The following TCF7L2 variants were observed in gnomAD, a reference collection of about 807,000 sequenced individuals.
The protein encoded by TCF7L2 is transcription factor 7-like 2.
In TCF7L2, 23 loss-of-function variants were observed where a neutral mutation model predicts 77.9. That is an observed-to-expected ratio of 0.30 (90% CI 0.21 to 0.42). TCF7L2 has a LOEUF of 0.42. Ranked by LOEUF, TCF7L2 falls within the 10% of genes least tolerant of loss-of-function variation. The pLI is 1.00. For missense variants in TCF7L2, 654 were observed against 793.1 expected, an observed-to-expected ratio of 0.82 and a Z score of 2.11; for synonymous variants, 413 against 340.2, an observed-to-expected ratio of 1.21 and a Z score of -2.36.
chr10:113,105,612 C>T (rs554559951), intron 5 of TCF7L2, among the ~76,000 whole-genome samples: 1 of 152,262 alleles, frequency 6.6e-6, no homozygotes, highest in South Asian at 2.1e-4. Context: ...GGGAGGTGCC[C>T]CGCACCTCAC....
In TCF7L2 at chr10:112,955,654, A is replaced by G. The variant is rs146740341; in HGVS notation, c.381+4047A>G. On this transcript the variant is annotated intron_variant, in intron 3 of 13. Coordinates refer to ENST00000627217, the MANE Select transcript of TCF7L2 (RefSeq NM_001146274.2). ...GAGGAAAACAATCCTCGTTCTTGCT[A>G]GGAGTTCTTCACCTTGATTTTAATT... Among the ~76,000 whole-genome samples, 196 of 152,254 alleles carry G rather than the reference A, an allele frequency of 1.3e-3. 2 individuals are homozygous for G. Among genetic ancestry groups the G allele is most frequent in the African/African-American group, 4.3e-3 (179 of 41,546 alleles).
In TCF7L2 at chr10:112,964,763, G is replaced by A. The variant is rs577226242; in HGVS notation, c.450+139G>A. On this transcript the variant is annotated intron_variant, in intron 4 of 13. Transcript: ENST00000627217. ...GATGGTGGTGGTGGTGGTGGTGATG[G>A]TGGTGGTGGTGGTGATGGTGGTGGT... 1.5e-4 allele frequency: 94 copies of A among 642,240 alleles called. No individual in the cohort carries two copies. In the African/African-American group the frequency reaches 1.7e-3, roughly 11 times the overall value. 39.8% of individuals were successfully genotyped at this position (642,240 alleles called of 1,614,324 possible).
chr10:112,970,481 G>C (rs1438293838), intron 4 of TCF7L2, among the ~76,000 whole-genome samples: 4 of 151,770 alleles, frequency 2.6e-5, no homozygotes, highest in Admixed American at 6.6e-5. Flanking sequence ...CTTACCCCAT[G>C]TTGGCCACTT....
chr10:113,086,662 T>A (rs764032992), intron 5 of TCF7L2, among the ~76,000 whole-genome samples: 2 of 152,086 alleles, frequency 1.3e-5, no homozygotes, highest in Non-Finnish European at 2.9e-5. Flanking sequence ...AAATCATGAA[T>A]GGACACTGAG....
intron 5 of TCF7L2, among the ~76,000 whole-genome samples, chr10:113,104,398 T>C (rs1309868237): frequency 1.3e-5 from 2 of 152,200 alleles, no homozygotes; most frequent in Non-Finnish European, 2.9e-5. Flanking sequence ...CAAGATCCCT[T>C]GTGGAGCAGT....
intron 5 of TCF7L2, among the ~76,000 whole-genome samples, chr10:113,063,683 C>T (rs534833850): frequency 6.6e-6 from 1 of 152,220 alleles, no homozygotes; most frequent in Non-Finnish European, 1.5e-5. Flanking sequence ...CTGTTGAAAC[C>T]CCCACACCCG....
intron 5 of TCF7L2, among the ~76,000 whole-genome samples, chr10:113,084,906 C>T (rs1433589227): frequency 1.3e-5 from 2 of 150,094 alleles, no homozygotes; most frequent in African/African-American, 5.0e-5. Flanking sequence ...AAGCCACCCC[C>T]CCCCAAAAAA....
chr10:113,085,242 T>TTA (rs1430391403), intron 5 of TCF7L2, among the ~76,000 whole-genome samples: 12 of 145,064 alleles, frequency 8.3e-5, no homozygotes, highest in African/African-American at 3.0e-4. Context: ...TTTTTTTTTT[T>TTA]AATTTTTAGT....
In TCF7L2 at chr10:112,998,954, A is replaced by T. The variant is rs574421394; in HGVS notation, c.450+34330A>T. Among the ~76,000 whole-genome samples the T allele has an allele frequency of 1.2e-4, 19 of 152,264 alleles. 1 individual carries two copies. The South Asian group carries it at 3.9e-3, about 32-fold the overall frequency. ...CCTCTTCATTAGTGTTAGCTTGTGG[A>T]TGGATTTGAGGCTCTCTGTGCTTTC... On this transcript the variant is annotated intron_variant, in intron 4 of 13. Transcript: ENST00000627217.
intron 7 of TCF7L2, 75 bp downstream of exon 7, chr10:113,144,100 CTGTGT>C: frequency 3.1e-6 from 2 of 652,014 alleles, no homozygotes; most frequent in Non-Finnish European, 4.9e-6. Context: ...GTGTGTGTGT[CTGTGT>C]GTGTGTGTGT....
At chr10:113,163,302 C>T (rs536519526) in intron 13 of TCF7L2, among the ~76,000 whole-genome samples, 1 of 152,322 alleles carries the variant, frequency 6.6e-6, no homozygotes, top group South Asian at 2.1e-4. Context: ...CATTTGTGGA[C>T]ATTTTAACAA....
At chr10:113,131,533 C>T (rs774807493) in intron 5 of TCF7L2, among the ~76,000 whole-genome samples, 4 of 152,208 alleles carry the variant, frequency 2.6e-5, no homozygotes, top group African/African-American at 7.2e-5. Flanking sequence ...AAATTACCTG[C>T]GTTACTTAAT....
chr10:112,962,279 A>G (rs969352426), intron 3 of TCF7L2, among the ~76,000 whole-genome samples: 5 of 152,164 alleles, frequency 3.3e-5, no homozygotes, highest in Admixed American at 2.6e-4. Context: ...AGAAGCTTGG[A>G]CAAGTTTCCA....
In TCF7L2 at chr10:113,165,618, A is replaced by G. The variant is rs2137647891; in HGVS notation, c.1455A>G (p.Ser485=). The G allele has an allele frequency of 6.2e-7, 1 of 1,613,796 alleles. No individual in the cohort carries two copies. Among genetic ancestry groups the G allele is most frequent in the East Asian group, 2.2e-5 (1 of 44,866 alleles). Residue 485 remains serine (S), a synonymous_variant, in exon 14 of 14, where the codon TCA becomes TCG. Coordinates refer to ENST00000627217, the MANE Select transcript of TCF7L2 (RefSeq NM_001146274.2). ...GCAGCTGCCTCAGCCCACCCTCTTC[A>G]GATGGAAGCTTACTAGATTCGCCTC... is the stretch of plus-strand genomic sequence containing the variant.
chr10:113,133,770 A>G (rs1041563164), intron 5 of TCF7L2, among the ~76,000 whole-genome samples: 2 of 152,174 alleles, frequency 1.3e-5, no homozygotes, highest in African/African-American at 2.4e-5. Flanking sequence ...TTGCTGTCTA[A>G]ATGGATTTGA....
At chr10:113,012,988 G>A (rs553724984) in intron 4 of TCF7L2, among the ~76,000 whole-genome samples, 10 of 152,084 alleles carry the variant, frequency 6.6e-5, no homozygotes, top group Admixed American at 1.3e-4. Flanking sequence ...GGTGCAGTCC[G>A]GCCCAGTATT....
At chr10:113,009,384 G>T (rs1264232631) in intron 4 of TCF7L2, among the ~76,000 whole-genome samples, 1 of 152,172 alleles carries the variant, frequency 6.6e-6, no homozygotes, top group Non-Finnish European at 1.5e-5. Flanking sequence ...GATCAGAGTT[G>T]CTGGCAAGAG....
chr10:113,088,480 C>G (rs193184545), intron 5 of TCF7L2, among the ~76,000 whole-genome samples: 1 of 152,184 alleles, frequency 6.6e-6, no homozygotes, highest in African/African-American at 2.4e-5. Flanking sequence ...GGGCCCCAGA[C>G]AGAGTAGGCC....
chr10:113,136,468 T>C (rs2067415162), intron 5 of TCF7L2, among the ~76,000 whole-genome samples: 1 of 152,222 alleles, frequency 6.6e-6, no homozygotes, highest in South Asian at 2.1e-4. Context: ...GTTGTCATCA[T>C]GTTTTCAGAG....
Sources: allele counts gnomAD v4.1 joint callset (sites outside exome capture counted in the v4.1 genomes callset), GRCh38; gene constraint gnomAD v4.1.1; transcripts MANE v1.5; gene names NCBI Gene and HGNC (gene_info 2026-07-23, HGNC 2026-07-21).